ARHGEF12: variants seen among roughly 807,000 people sequenced by gnomAD.
ARHGEF12 encodes the protein KMT2A/ARHGEF12 fusion protein.
Under a neutral mutation model 211.2 loss-of-function variants are expected in ARHGEF12, and 66 were observed. The observed-to-expected ratio is 0.31, with a 90% confidence interval of 0.26 to 0.38. ARHGEF12 has a LOEUF of 0.38. ARHGEF12 is among the 10% of genes least tolerant of loss of function. ARHGEF12 has a pLI of 1.00. For missense variants in ARHGEF12, 1,429 were observed against 1,869.5 expected (o/e 0.76, Z 4.34); for synonymous variants, 592 against 638.4 (o/e 0.93, Z 1.09).
At chr11:120,431,934 C>A in intron 11 of ARHGEF12, 23 bp downstream of exon 11, 1 of 1,562,250 alleles carries the variant, frequency 6.4e-7, no homozygotes, top group East Asian at 2.3e-5. Context: ...TTTTCTAAAT[C>A]TTTTTTCTTC....
At chr11:120,347,580 T>C (rs1427860882) in intron 1 of ARHGEF12, among the ~76,000 whole-genome samples, 1 of 152,206 alleles carries the variant, frequency 6.6e-6, no homozygotes, top group African/African-American at 2.4e-5. Context: ...TAAGATGATA[T>C]AAAAGTAAAG....
chr11:120,416,930 G>C (rs915145148), intron 4 of ARHGEF12, among the ~76,000 whole-genome samples: 4 of 152,106 alleles, frequency 2.6e-5, no homozygotes, highest in African/African-American at 9.7e-5. Context: ...AGCCAGAATT[G>C]ATTCTCTTAA....
At chr11:120,399,033 A>G (rs536633627) in intron 1 of ARHGEF12, among the ~76,000 whole-genome samples, 24 of 152,186 alleles carry the variant, frequency 1.6e-4, no homozygotes, top group Non-Finnish European at 3.1e-4. Context: ...AGACCTATAT[A>G]GTCAGGCACA....
intron 1 of ARHGEF12, among the ~76,000 whole-genome samples, chr11:120,398,579 T>G (rs1302132552): frequency 6.6e-6 from 1 of 151,998 alleles, no homozygotes; most frequent in African/African-American, 2.4e-5. Flanking sequence ...GTGTTTTTTT[T>G]GTGTGTGTGT....
intron 22 of ARHGEF12, among the ~76,000 whole-genome samples, chr11:120,455,850 C>G (rs906050878): frequency 3.3e-5 from 5 of 152,090 alleles, no homozygotes; most frequent in Non-Finnish European, 7.4e-5. Context: ...AAAAGAAAAG[C>G]ATTTAGAAAT....
At chr11:120,356,741 A>T (rs1943141171) in intron 1 of ARHGEF12, among the ~76,000 whole-genome samples, 1 of 152,144 alleles carries the variant, frequency 6.6e-6, no homozygotes, top group Non-Finnish European at 1.5e-5. Context: ...AGTTACTCCA[A>T]AGATGATACC....
chr11:120,448,785 A>G (rs1319595001), intron 20 of ARHGEF12: 4 of 280,918 alleles, frequency 1.4e-5, no homozygotes, highest in African/African-American at 2.2e-5. Flanking sequence ...TGTATTTTCA[A>G]CTGTTAGCAA....
intron 1 of ARHGEF12, among the ~76,000 whole-genome samples, chr11:120,389,491 AGT>A (rs1313694201): frequency 3.9e-5 from 6 of 152,084 alleles, no homozygotes; most frequent in African/African-American, 7.3e-5. Flanking sequence ...GTACCTAGTA[AGT>A]GTATGTATTT....
chr11:120,470,006 T>G (rs1442519158), intron 30 of ARHGEF12, among the ~76,000 whole-genome samples: 1 of 152,148 alleles, frequency 6.6e-6, no homozygotes, highest in Non-Finnish European at 1.5e-5. Flanking sequence ...GAAAGCATGG[T>G]CTGTTGGAAG....
rs1342691846 is a variant in ARHGEF12 at position 120,489,681 on chromosome 11, C to T, written c.*4604C>T. 2 of 207,278 alleles carry T rather than the reference C, an allele frequency of 9.6e-6. No individual in the cohort carries two copies. The highest frequency in any genetic ancestry group is 2.0e-5 in the Non-Finnish European group (2 of 101,592). 12.8% of individuals were successfully genotyped at this position (207,278 alleles called of 1,614,324 possible). A position where few individuals can be genotyped will look rare whatever the true frequency, so the allele number is the denominator to read the frequency against. Reference sequence around the variant, plus strand: ...ACATTTGGCTGACGGAGCTAATAAGCGTAATAAAATGCTTAGTAGTTTATA... The same window carrying T: ...ACATTTGGCTGACGGAGCTAATAAGTGTAATAAAATGCTTAGTAGTTTATA... On this transcript the variant is annotated 3_prime_UTR_variant, in exon 41 of 41. Coordinates refer to ENST00000397843, the MANE Select transcript of ARHGEF12 (RefSeq NM_015313.3).
chr11:120,369,563 T>C (rs1038682837), intron 1 of ARHGEF12, among the ~76,000 whole-genome samples: 1 of 152,266 alleles, frequency 6.6e-6, no homozygotes, highest in African/African-American at 2.4e-5. Context: ...TTAATCATTA[T>C]GTTTATCATT....
chr11:120,414,681 A>G (rs1181780129), intron 4 of ARHGEF12, among the ~76,000 whole-genome samples: 1 of 152,220 alleles, frequency 6.6e-6, no homozygotes, highest in Non-Finnish European at 1.5e-5. Context: ...AAATACTCAT[A>G]TGGCACCAAG....
At chr11:120,460,865 G>A in intron 27 of ARHGEF12, 108 bp downstream of exon 27, 2 of 955,772 alleles carry the variant, frequency 2.1e-6, no homozygotes, top group Non-Finnish European at 3.3e-6. Flanking sequence ...ATGTTGCAAA[G>A]TTAATGCAAA....
Position 120,475,328 on chromosome 11 carries a change from T to C in ARHGEF12, c.3110-12T>C. 1.2e-6 allele frequency: 2 copies of C among 1,612,034 alleles called. No individual in the cohort carries two copies. Among genetic ancestry groups the C allele is most frequent in the South Asian group, 2.2e-5 (2 of 90,872 alleles). ...CTGTACTTACCATTTTTTTCTGCAC[T>C]TTTATTTCTAGATTTATACACGTTG... On this transcript the variant is annotated splice_polypyrimidine_tract_variant and intron_variant, in intron 32 of 40. Coordinates refer to ENST00000397843, the MANE Select transcript of ARHGEF12 (RefSeq NM_015313.3).
intron 8 of ARHGEF12, among the ~76,000 whole-genome samples, chr11:120,428,498 A>G (rs1347907535): frequency 1.3e-5 from 2 of 152,226 alleles, no homozygotes; most frequent in African/African-American, 4.8e-5. Flanking sequence ...AAGGTACTCT[A>G]TGTTCAAGAT....
Position 120,446,413 on chromosome 11 carries a change from A to T in ARHGEF12, c.1356A>T (p.Arg452Ser). The change falls in exon 17 of 41, where the codon AGA becomes AGT. Residue 452 changes from arginine (R) to serine (S), a missense_variant. Transcript: ENST00000397843. ...CTTTCATTTATGAAGAAAAGAGAAG[A>T]CCTGAGCTCATTCCTGAGGATCTGC... The part of the protein sequence containing the change: ...DEMSADLEKR[R>S]PELIPEDLHR... 6.2e-7 allele frequency: 1 copy of T among 1,611,992 alleles called. No individual in the cohort carries two copies. Among genetic ancestry groups the T allele is most frequent in the Non-Finnish European group, 8.5e-7 (1 of 1,179,040 alleles).
intron 1 of ARHGEF12, among the ~76,000 whole-genome samples, chr11:120,374,930 A>C (rs564879117): frequency 1.3e-5 from 2 of 151,994 alleles, no homozygotes; most frequent in African/African-American, 2.4e-5. Flanking sequence ...TTGGATATCA[A>C]CTCTCAGAAG....
rs369662964 is a variant in ARHGEF12 at position 120,451,603 on chromosome 11, G to A, written c.1935G>A (p.Lys645=). Residue 645 remains lysine, a synonymous_variant, in exon 22 of 41, where the codon AAG becomes AAA. Coordinates refer to ENST00000397843, the MANE Select transcript of ARHGEF12 (RefSeq NM_015313.3). ...SVSPEPQDSA[K]LRQSGLANEG... ...GTCCTGAACCTCAGGACTCTGCCAA[G>A]TTGCGCCAGAGTGGGTTAGCAAATG... 16 of 1,614,058 alleles carry A rather than the reference G, an allele frequency of 9.9e-6. No homozygotes were observed. The highest frequency in any genetic ancestry group is 1.3e-5 in the Non-Finnish European group (15 of 1,180,036).
chr11:120,456,991 CT>C (rs1482545985), intron 22 of ARHGEF12, 126 bp from the exon 23 acceptor site: 10 of 784,168 alleles, frequency 1.3e-5, no homozygotes, highest in African/African-American at 1.8e-5. Flanking sequence ...TCTAGTGAAC[CT>C]GCAGTTGTTT....
Sources: allele counts gnomAD v4.1 joint callset (sites outside exome capture counted in the v4.1 genomes callset), GRCh38; gene constraint gnomAD v4.1.1; transcripts MANE v1.5; gene names NCBI Gene and HGNC (gene_info 2026-07-23, HGNC 2026-07-21).